RBM19: variants seen among roughly 807,000 people sequenced by gnomAD.
RBM19 encodes RNA binding motif protein 19, also known as probable RNA-binding protein 19.
A neutral mutation model predicts 116.8 loss-of-function variants in RBM19; 94 were observed. That is an observed-to-expected ratio of 0.80 (90% CI 0.68 to 0.95). The LOEUF is 0.95. Among genes scored for constraint, RBM19 ranks in the 40% least tolerant of loss-of-function variants. The probability of loss-of-function intolerance (pLI) is 0.00; values close to 1 mark genes in which losing one functional copy is unlikely to be tolerated. For synonymous variants in RBM19, 475 were observed against 494.1 expected (o/e 0.96, Z 0.51); for missense variants, 1,161 against 1,220.7 (o/e 0.95, Z 0.73).
intron 21 of RBM19, among the ~76,000 whole-genome samples, chr12:113,867,923 G>C (rs1298408562): frequency 6.6e-6 from 1 of 151,818 alleles, no homozygotes; most frequent in African/African-American, 2.4e-5. Context: ...TGAGACTCTT[G>C]TCTGAATAAA....
Position 113,959,998 on chromosome 12 carries a change from C to T in RBM19, c.339+61G>A, listed in dbSNP as rs1242859459. On this transcript the variant is annotated intron_variant, in intron 3 of 23. Coordinates refer to ENST00000261741, the MANE Select transcript of RBM19 (RefSeq NM_016196.4). ...CCTGGGAGGGCCCATCTTTGGGAACCAAAAGTGAGTGACTACCCTGCTGGC... is the reference window on the plus strand; with the variant it reads ...CCTGGGAGGGCCCATCTTTGGGAACTAAAAGTGAGTGACTACCCTGCTGGC... 2.5e-6 allele frequency: 4 copies of T among 1,613,776 alleles called. No individual in the cohort carries two copies. In the African/African-American group the frequency reaches 4.0e-5, roughly 16 times the overall value.
chr12:113,942,390 G>T lies in RBM19; in HGVS notation c.1671C>A (p.Thr557=). ...AACGCCGCACTTCCTGGACGAGCTG[G>T]GTTTCCCCCAGAGCCACGCGCACGG... ...SVAVRVALGE[T]QLVQEVRRFL... is the part of the protein sequence containing the mutation. Residue 557 remains threonine, a synonymous_variant, in exon 14 of 24, where the codon ACC becomes ACA. Coordinates refer to ENST00000261741, the MANE Select transcript of RBM19 (RefSeq NM_016196.4). 1.2e-6 allele frequency: 2 copies of T among 1,609,722 alleles called. No individual in the cohort carries two copies. Among genetic ancestry groups the T allele is most frequent in the Non-Finnish European group, 1.7e-6 (2 of 1,179,936 alleles).
chr12:113,901,603 G>C (rs1415937911), intron 21 of RBM19, among the ~76,000 whole-genome samples: 1 of 152,144 alleles, frequency 6.6e-6, no homozygotes, highest in Non-Finnish European at 1.5e-5. Flanking sequence ...CCACCTCCTG[G>C]GTTCAAGTGA....
intron 21 of RBM19, among the ~76,000 whole-genome samples, chr12:113,881,046 C>A (rs932402603): frequency 2.2e-4 from 34 of 152,218 alleles, no homozygotes; most frequent in African/African-American, 8.2e-4. Flanking sequence ...ACACCATCAT[C>A]CCCTCAATTT....
chr12:113,879,431 T>TTATATATATATATATATA (rs5801011), intron 21 of RBM19, among the ~76,000 whole-genome samples: 1,881 of 132,388 alleles, frequency 0.014, 84 homozygotes, highest in Admixed American at 0.079. Context: ...TACATACATT[T>TTATATATATATATATATA]TATATATATA....
chr12:113,839,522 A>G (rs1876279423), intron 23 of RBM19, among the ~76,000 whole-genome samples: 1 of 152,154 alleles, frequency 6.6e-6, no homozygotes, highest in Admixed American at 6.5e-5. Context: ...TCAACCATTC[A>G]CTACCTGTGT....
At chr12:113,881,823 A>T (rs1880155107) in intron 21 of RBM19, among the ~76,000 whole-genome samples, 1 of 152,230 alleles carries the variant, frequency 6.6e-6, no homozygotes, top group Non-Finnish European at 1.5e-5. Context: ...CTTCCTTGCA[A>T]CACCAACTCT....
intron 9 of RBM19, among the ~76,000 whole-genome samples, chr12:113,949,712 C>T (rs1871320190): frequency 6.6e-6 from 1 of 152,200 alleles, no homozygotes; most frequent in Non-Finnish European, 1.5e-5. Context: ...AGAGCCTACA[C>T]AACTGTAGGT....
intron 21 of RBM19, among the ~76,000 whole-genome samples, chr12:113,871,937 C>A (rs1176243573): frequency 2.0e-5 from 3 of 151,722 alleles, no homozygotes; most frequent in African/African-American, 7.3e-5. Context: ...AGCCTCTGCC[C>A]GGCTGCCACC....
In RBM19 at chr12:113,959,904, C is replaced by T. The variant is rs776471908; in HGVS notation, c.340-1G>A. On this transcript the variant is annotated splice_acceptor_variant, in intron 3 of 23. Coordinates refer to ENST00000261741, the MANE Select transcript of RBM19 (RefSeq NM_016196.4). LOFTEE classifies it high-confidence loss of function. ...CTGCCACCTTTTTCTTCTTCTCATC[C>T]TGAAAACAGAAGGCACAGAGAGTGA... The T allele has an allele frequency of 1.9e-6, 3 of 1,614,184 alleles. No individual in the cohort carries two copies. The highest frequency in any genetic ancestry group is 1.7e-6 in the Non-Finnish European group (2 of 1,180,026).
At chr12:113,915,477 G>A (rs750706293) in intron 20 of RBM19, among the ~76,000 whole-genome samples, 5 of 152,190 alleles carry the variant, frequency 3.3e-5, no homozygotes, top group Non-Finnish European at 5.9e-5. Context: ...AATAACCCGA[G>A]GAGGAACATG....
intron 23 of RBM19, among the ~76,000 whole-genome samples, chr12:113,840,652 G>T (rs1876382728): frequency 6.6e-6 from 1 of 152,350 alleles, no homozygotes. Flanking sequence ...GCAGACGGCT[G>T]CAGGAGAGAG....
Position 113,965,996 on chromosome 12 carries a change from C to A in RBM19, c.36+196G>T, listed in dbSNP as rs369773629. On this transcript the variant is annotated intron_variant, in intron 1 of 23. Transcript: ENST00000261741. ...GGTACCAAACAACCGGCCGTGAAAC[C>A]GTAAGCAGTCACTATTCCTCTTTCC... 150 of 626,358 alleles carry A rather than the reference C, an allele frequency of 2.4e-4. 1 individual carries two copies. The highest frequency in any genetic ancestry group is 2.3e-3 in the Middle Eastern group (7 of 3,094). 38.8% of individuals were successfully genotyped at this position (626,358 alleles called of 1,614,324 possible). A position where few individuals can be genotyped will look rare whatever the true frequency, so the allele number is the denominator to read the frequency against.
rs71443067 is a variant in RBM19 at position 113,942,594 on chromosome 12, C to CTTT, written c.1627-163_1627-161dup. On this transcript the variant is annotated intron_variant, in intron 13 of 23. Coordinates refer to ENST00000261741, the MANE Select transcript of RBM19 (RefSeq NM_016196.4). ...ATCAGATGCCCCCAACGGCTCTGTG[C>CTTT]TTTTTTTTTTTTTTTTTTTTAAGAA... is the stretch of plus-strand genomic sequence containing the variant. 3.8e-3 allele frequency among the ~76,000 whole-genome samples: 479 copies of CTTT among 125,818 alleles called. 5 individuals carry two copies. The highest frequency in any genetic ancestry group is 0.014 in the African/African-American group (455 of 32,436). The allele number at this position is 125,818 out of a possible 152,430, so 82.5% of individuals were successfully genotyped here.
chr12:113,927,493 G>A, intron 16 of RBM19: 1 of 407,772 alleles, frequency 2.5e-6, no homozygotes, highest in Admixed American at 4.1e-5. Flanking sequence ...GCCTTAAACA[G>A]GACCAGCTCA....
intron 16 of RBM19, among the ~76,000 whole-genome samples, chr12:113,931,044 T>G (rs1869555989): frequency 6.6e-6 from 1 of 152,158 alleles, no homozygotes; most frequent in South Asian, 2.1e-4. Context: ...GGAAAATTGG[T>G]AAACAGAACA....
intron 1 of RBM19, 119 bp downstream of exon 1, chr12:113,966,073 T>C: frequency 1.7e-6 from 2 of 1,160,942 alleles, no homozygotes; most frequent in Non-Finnish European, 2.6e-6. Context: ...GAGTTCAGAA[T>C]TGGCCCGGAG....
rs773985159 is a variant in RBM19, at chr12:113,942,347, C to A, written c.1714G>T (p.Val572Phe). The A allele has an allele frequency of 5.6e-6, 9 of 1,607,626 alleles. No individual in the cohort carries two copies. The Admixed American group carries it at 6.7e-5, about 12-fold the overall frequency. ...ACCTGGCTGAAGGAATCCAGGCTGA[C>A]CCCGTTGTCTATGAGAAAACGCCGC... ...EVRRFLIDNG[V>F]SLDSFSQAAA... is the part of the protein sequence containing the mutation. Residue 572 changes from valine to phenylalanine, a missense_variant, in exon 14 of 24, where the codon GTC becomes TTC. Physicochemically the swap from Val to Phe is conservative, Grantham distance 50. Transcript: ENST00000261741.
chr12:113,866,024 GC>G (rs1878782864), intron 21 of RBM19, among the ~76,000 whole-genome samples: 2 of 152,166 alleles, frequency 1.3e-5, no homozygotes, highest in South Asian at 4.1e-4. Flanking sequence ...TTTCTCTCCC[GC>G]AGAAGGTTAT....
Sources: gnomAD v4.1 joint callset for allele counts (sites outside exome capture counted in the v4.1 genomes callset) on GRCh38, gnomAD v4.1.1 for gene constraint, MANE v1.5 for transcripts, NCBI Gene and HGNC (gene_info 2026-07-23, HGNC 2026-07-21) for gene names.